Variants in KATNAL2 observed in about 807,000 individuals in gnomAD.
KATNAL2 encodes katanin catalytic subunit A1 like 2.
Under a neutral mutation model 76.3 loss-of-function variants are expected in KATNAL2, and 52 were observed. The observed-to-expected ratio is 0.68, with a 90% confidence interval of 0.55 to 0.86. KATNAL2 has a LOEUF of 0.86. Among genes scored for constraint, KATNAL2 ranks in the 40% least tolerant of loss-of-function variants. The probability of loss-of-function intolerance (pLI) is 0.00; values close to 1 mark genes in which losing one functional copy is unlikely to be tolerated. For synonymous variants in KATNAL2, 243 were observed against 244.2 expected, an observed-to-expected ratio of 1.00 and a Z score of 0.05; for missense variants, 660 against 668.9, an observed-to-expected ratio of 0.99 and a Z score of 0.15.
At chr18:46,923,221 C>T in intron 1 of KATNAL2, among the ~76,000 whole-genome samples, 1 of 133,360 alleles carries the variant, frequency 7.5e-6, no homozygotes, top group Non-Finnish European at 1.6e-5. Flanking sequence ...CCCCTCCCCC[C>T]ACCCCACAAC....
intron 13 of KATNAL2, among the ~76,000 whole-genome samples, chr18:47,073,275 C>A (rs1247463461): frequency 2.0e-5 from 3 of 152,122 alleles, no homozygotes; most frequent in African/African-American, 4.8e-5. Flanking sequence ...ATATGTATTT[C>A]TTTGATTCTG....
At chr18:47,078,772 T>C (rs144255125) in intron 15 of KATNAL2, among the ~76,000 whole-genome samples, 2 of 152,276 alleles carry the variant, frequency 1.3e-5, no homozygotes, top group East Asian at 3.9e-4. Flanking sequence ...GCTGTTTCGA[T>C]TTTCCTAAGC....
At chr18:47,048,828 CTTTTTTT>C (rs35366730) in intron 4 of KATNAL2, among the ~76,000 whole-genome samples, 11 of 76,720 alleles carry the variant, frequency 1.4e-4, no homozygotes, top group African/African-American at 5.8e-4. Context: ...AAGCCAGACT[CTTTTTTT>C]TTTTTTTTTT....
intron 3 of KATNAL2, among the ~76,000 whole-genome samples, chr18:46,956,673 C>G (rs764345620): frequency 3.3e-5 from 5 of 152,184 alleles, no homozygotes; most frequent in Non-Finnish European, 7.3e-5. Context: ...TCTTTTCTGA[C>G]TAGCAAATTG....
chr18:46,962,040 T>C (rs1041928700), intron 3 of KATNAL2, among the ~76,000 whole-genome samples: 3 of 152,172 alleles, frequency 2.0e-5, no homozygotes, highest in African/African-American at 7.2e-5. Context: ...TGTTAGTCCT[T>C]CCAAAAATAT....
At chr18:46,955,855 G>C (rs781741276) in intron 3 of KATNAL2, among the ~76,000 whole-genome samples, 5 of 152,092 alleles carry the variant, frequency 3.3e-5, no homozygotes, top group Non-Finnish European at 7.4e-5. Context: ...GCCTGGTTTG[G>C]GTCATAGATT....
chr18:46,944,240 A>C (rs1281078105), intron 1 of KATNAL2, among the ~76,000 whole-genome samples: 3 of 152,334 alleles, frequency 2.0e-5, no homozygotes, highest in Non-Finnish European at 4.4e-5. Context: ...TTTTGTATCT[A>C]ACCTAGCAGT....
At chr18:46,928,953 G>A (rs1212956322) in intron 1 of KATNAL2, among the ~76,000 whole-genome samples, 9 of 151,802 alleles carry the variant, frequency 5.9e-5, no homozygotes, top group Non-Finnish European at 1.3e-4. Context: ...GCGCCACCAC[G>A]CCCTGCTAAT....
At chr18:47,069,721 A>G (rs1008118052) in intron 13 of KATNAL2, 121 bp downstream of exon 13, 1 of 622,782 alleles carries the variant, frequency 1.6e-6, no homozygotes, top group African/African-American at 1.8e-5. Context: ...CCACTCCTGG[A>G]TCTTGATTAC....
intron 3 of KATNAL2, among the ~76,000 whole-genome samples, chr18:46,958,844 A>C: frequency 6.6e-6 from 1 of 152,250 alleles, no homozygotes; most frequent in East Asian, 1.9e-4. Flanking sequence ...ACTGGAATTG[A>C]TCCACACATT....
chr18:46,936,358 CTG>C (rs1460143135), intron 1 of KATNAL2, among the ~76,000 whole-genome samples: 3 of 152,138 alleles, frequency 2.0e-5, no homozygotes, highest in Non-Finnish European at 4.4e-5. Flanking sequence ...AGAGTACAGT[CTG>C]TGCACAATTA....
intron 10 of KATNAL2, among the ~76,000 whole-genome samples, chr18:47,065,368 G>A (rs1414487293): frequency 1.3e-5 from 2 of 151,178 alleles, no homozygotes; most frequent in Non-Finnish European, 1.5e-5. Context: ...TTTCTAGAGA[G>A]CATTAGCTGG....
chr18:47,090,375 G>A (rs1056302113), intron 15 of KATNAL2, among the ~76,000 whole-genome samples: 1 of 152,124 alleles, frequency 6.6e-6, no homozygotes, highest in Non-Finnish European at 1.5e-5. Flanking sequence ...CCAAAGTGCT[G>A]GGATTACAGG....
At chr18:46,951,807 A>G (rs1005562474) in intron 3 of KATNAL2, among the ~76,000 whole-genome samples, 1 of 152,128 alleles carries the variant, frequency 6.6e-6, no homozygotes, top group African/African-American at 2.4e-5. Context: ...TATTTTGAGC[A>G]GGGTCTTGCT....
At chr18:47,054,028 C>T (rs751864143) in intron 5 of KATNAL2, among the ~76,000 whole-genome samples, 3 of 152,196 alleles carry the variant, frequency 2.0e-5, no homozygotes, top group Non-Finnish European at 4.4e-5. Flanking sequence ...CTGCCAGATT[C>T]GTGCAATCAT....
intron 3 of KATNAL2, among the ~76,000 whole-genome samples, chr18:47,045,200 A>T (rs2061115154): frequency 6.6e-6 from 1 of 152,148 alleles, no homozygotes; most frequent in Non-Finnish European, 1.5e-5. Flanking sequence ...ATTTAGTATT[A>T]TTTGATTTTC....
intron 1 of KATNAL2, among the ~76,000 whole-genome samples, chr18:46,934,069 C>T (rs139474329): frequency 0.014 from 2,148 of 151,776 alleles, 49 homozygotes; most frequent in African/African-American, 0.049. Flanking sequence ...TAGGTTGGTT[C>T]CAAGTCTTTG....
chr18:46,924,402 T>G (rs187835113), intron 1 of KATNAL2, among the ~76,000 whole-genome samples: 1 of 152,324 alleles, frequency 6.6e-6, no homozygotes, highest in East Asian at 1.9e-4. Flanking sequence ...GCAGCATTAT[T>G]TCTGAGGGCT....
intron 8 of KATNAL2, 135 bp from the exon 9 acceptor site, chr18:47,062,837 T>G: frequency 1.7e-6 from 1 of 582,218 alleles, no homozygotes; most frequent in Non-Finnish European, 3.0e-6. Flanking sequence ...TAGTGCTGGT[T>G]CTTTTTAAAG....
Sources: allele counts gnomAD v4.1 joint callset (sites outside exome capture counted in the v4.1 genomes callset), GRCh38; gene constraint gnomAD v4.1.1; transcripts MANE v1.5; gene names NCBI Gene and HGNC (gene_info 2026-07-23, HGNC 2026-07-21).